The following MYLK4 variants were observed in gnomAD, a reference collection of about 807,000 sequenced individuals.
MYLK4 encodes the protein caMLCK like.
Under a neutral mutation model 48.1 loss-of-function variants are expected in MYLK4, and 46 were observed. The ratio of observed to expected loss-of-function variants is 0.96; its 90% CI spans 0.75 to 1.22. The LOEUF (loss-of-function observed/expected upper bound fraction) is 1.22. Among genes scored for constraint, MYLK4 ranks in the 50% most tolerant of loss-of-function variants. The pLI is 0.00. For synonymous variants in MYLK4, 170 were observed against 180.8 expected (o/e 0.94, Z 0.48); for missense variants, 451 against 486.1 (o/e 0.93, Z 0.68).
chr6:2,723,036 G>A (rs533288347), intron 2 of MYLK4, among the ~76,000 whole-genome samples: 5 of 151,978 alleles, frequency 3.3e-5, no homozygotes, highest in East Asian at 1.9e-4. Context: ...TCACACCTTC[G>A]ATCCCAGCAC....
rs373531019 is a variant in MYLK4, at chr6:2,665,674, C to G, written c.*2251G>C. ...GAAGGGAAGGTGGATGCAAATTGCA[C>G]GTCGTGCAAAAGATCTCCTGCTTGA... On this transcript the variant is annotated 3_prime_UTR_variant, in exon 13 of 13. Coordinates refer to ENST00000274643, the MANE Select transcript of MYLK4 (RefSeq NM_001012418.5). 2.6e-4 allele frequency: 39 copies of G among 152,210 alleles called. No individual in the cohort carries two copies. Among genetic ancestry groups the G allele is most frequent in the African/African-American group, 9.2e-4 (38 of 41,462 alleles). The allele number at this position is 152,210 out of a possible 1,614,324, so 9.4% of individuals were successfully genotyped here.
chr6:2,757,329 A>C, the MYLK4 span, among the ~76,000 whole-genome samples: 2 of 152,236 alleles, frequency 1.3e-5, no homozygotes, highest in African/African-American at 4.8e-5. Flanking sequence ...CAGTTAGTGT[A>C]TGGAAAACAT....
At chr6:2,687,684 T>G (rs1211941438) in intron 4 of MYLK4, among the ~76,000 whole-genome samples, 1 of 152,058 alleles carries the variant, frequency 6.6e-6, no homozygotes, top group Non-Finnish European at 1.5e-5. Flanking sequence ...ATCAGCCAGA[T>G]CAGGAAGGGA....
chr6:2,743,073 C>G (rs969109694), intron 2 of MYLK4, among the ~76,000 whole-genome samples: 4 of 152,010 alleles, frequency 2.6e-5, no homozygotes, highest in African/African-American at 9.7e-5. Context: ...GCATCAACAG[C>G]TATGCAGTAT....
rs1760691425 is a variant in MYLK4 at position 2,667,262 on chromosome 6, A to ATG, written c.*662_*663insCA. On this transcript the variant is annotated 3_prime_UTR_variant, in exon 13 of 13. Transcript: ENST00000274643. ...AACAGAATCAGCTACATGGAAGAAAACGCACGCTGGGGACAATTCAGAATA... is the reference window on the plus strand; with the variant it reads ...AACAGAATCAGCTACATGGAAGAAAATGCGCACGCTGGGGACAATTCAGAATA... 2 of 152,172 alleles carry ATG rather than the reference A, an allele frequency of 1.3e-5. No homozygotes were observed. Among genetic ancestry groups the ATG allele is most frequent in the Admixed American group, 6.5e-5 (1 of 15,284 alleles). The allele number at this position is 152,172 out of a possible 1,614,324, so 9.4% of individuals were successfully genotyped here. A position where few individuals can be genotyped will look rare whatever the true frequency, so the allele number is the denominator to read the frequency against.
In MYLK4 at chr6:2,692,878, G is replaced by A; in HGVS notation, c.160-19C>T. The A allele has an allele frequency of 2.5e-6, 4 of 1,608,116 alleles. No individual in the cohort carries two copies. The highest frequency in any genetic ancestry group is 3.4e-6 in the Non-Finnish European group (4 of 1,176,280). On this transcript the variant is annotated intron_variant, in intron 2 of 12. Transcript: ENST00000274643. ...CCTTCGCCTGTGGAGGCACAATTGA[G>A]TAATTGAAGTTACATATCACATCTG...
chr6:2,737,989 G>GAA (rs1554132861), intron 2 of MYLK4, among the ~76,000 whole-genome samples: 1 of 62,056 alleles, frequency 1.6e-5, no homozygotes, highest in Non-Finnish European at 3.0e-5. Context: ...GGTGGGGGGG[G>GAA]GGTGGTCAAT....
At chr6:2,717,786 T>C (rs1762920356) in intron 2 of MYLK4, among the ~76,000 whole-genome samples, 1 of 152,226 alleles carries the variant, frequency 6.6e-6, no homozygotes, top group Admixed American at 6.5e-5. Context: ...CCACATTCAG[T>C]GCTCTTTTCA....
At chr6:2,763,988 T>A in the MYLK4 span, among the ~76,000 whole-genome samples, 3 of 152,098 alleles carry the variant, frequency 2.0e-5, no homozygotes, top group Admixed American at 2.0e-4. Flanking sequence ...AAAAATTACC[T>A]GGGTGTGGTG....
chr6:2,675,673 G>T (rs933531509), intron 10 of MYLK4, among the ~76,000 whole-genome samples: 1 of 151,992 alleles, frequency 6.6e-6, no homozygotes, highest in Admixed American at 6.6e-5. Flanking sequence ...AGCCAGCAAA[G>T]GTTTATAAGA....
At chr6:2,766,161 C>A in the MYLK4 span, 1 of 1,333,076 alleles carries the variant, frequency 7.5e-7, no homozygotes, top group Non-Finnish European at 9.5e-7. Flanking sequence ...GACGCGGACG[C>A]GGACGGCGAG....
chr6:2,713,332 T>A (rs1371434030), intron 2 of MYLK4, among the ~76,000 whole-genome samples: 1 of 150,292 alleles, frequency 6.7e-6, no homozygotes, highest in Non-Finnish European at 1.5e-5. Flanking sequence ...ATCGATCGCA[T>A]CATTGGACTC....
In MYLK4 at chr6:2,742,009, A is replaced by G. The variant is rs150444852; in HGVS notation, c.159+7127T>C. Among the ~76,000 whole-genome samples, 577 of 152,360 alleles carry G rather than the reference A, an allele frequency of 3.8e-3. 6 individuals are homozygous for G. Among genetic ancestry groups the G allele is most frequent in the South Asian group, 0.019 (94 of 4,828 alleles). On this transcript the variant is annotated intron_variant, in intron 2 of 12. Coordinates refer to ENST00000274643, the MANE Select transcript of MYLK4 (RefSeq NM_001012418.5). ...AATGATTAACACTTGGGCAACAGTG[A>G]CTGCCTAAAAACACAGACTTAACTA...
chr6:2,768,766 G>A, the MYLK4 span: 3 of 1,613,912 alleles, frequency 1.9e-6, no homozygotes, highest in East Asian at 2.2e-5. Context: ...TGCAACAAAT[G>A]CCAAGACAAA....
intron 2 of MYLK4, among the ~76,000 whole-genome samples, chr6:2,747,193 G>C (rs1764125679): frequency 6.6e-6 from 1 of 152,170 alleles, no homozygotes; most frequent in African/African-American, 2.4e-5. Flanking sequence ...GACATTCTCT[G>C]ATGGTTTCTA....
At position 2,725,381 on chromosome 6, in the gene MYLK4, G is replaced by A. The variant is rs932752978; in HGVS notation, c.159+23755C>T. ...CTTGGGAGGCCAAGGTAGGAGGATC[G>A]CTTGAGCTCAGAAGTTCAAGGCTGC... On this transcript the variant is annotated intron_variant, in intron 2 of 12. Coordinates refer to ENST00000274643, the MANE Select transcript of MYLK4 (RefSeq NM_001012418.5). Among the ~76,000 whole-genome samples the A allele has an allele frequency of 4.6e-5, 7 of 151,602 alleles. No individual in the cohort carries two copies. The East Asian group carries it at 9.7e-4, about 21-fold the overall frequency.
chr6:2,683,370 T>G (rs1761392518), intron 6 of MYLK4, among the ~76,000 whole-genome samples: 1 of 147,610 alleles, frequency 6.8e-6, no homozygotes, highest in Non-Finnish European at 1.5e-5. Flanking sequence ...ATGGAAATCC[T>G]CAAGCCAACT....
chr6:2,754,752 GT>G (rs1764384530), upstream of MYLK4, among the ~76,000 whole-genome samples: 1 of 152,166 alleles, frequency 6.6e-6, no homozygotes, highest in South Asian at 2.1e-4. Flanking sequence ...TGAACACTTT[GT>G]GGTCATCTGT....
intron 2 of MYLK4, among the ~76,000 whole-genome samples, chr6:2,737,986 G>GA (rs1192561701): frequency 5.0e-5 from 6 of 119,374 alleles, no homozygotes; most frequent in Non-Finnish European, 8.9e-5. Context: ...GCGGGTGGGG[G>GA]GGGGGTGGTC....
Sources: allele counts gnomAD v4.1 joint callset (sites outside exome capture counted in the v4.1 genomes callset), GRCh38; gene constraint gnomAD v4.1.1; transcripts MANE v1.5; gene names NCBI Gene and HGNC (gene_info 2026-07-23, HGNC 2026-07-21).